The following CREB3L2 variants were observed in gnomAD, a reference collection of about 807,000 sequenced individuals.
The protein encoded by CREB3L2 is cAMP responsive element binding protein 3 like 2, also known as cyclic AMP-responsive element-binding protein 3-like protein 2.
In CREB3L2, 23 loss-of-function variants were observed where a neutral mutation model predicts 57.2. That is an observed-to-expected ratio of 0.40 (90% CI 0.29 to 0.57). CREB3L2 has a LOEUF of 0.57. CREB3L2 is among the 20% of genes least tolerant of loss of function. The pLI, the probability that CREB3L2 is intolerant of heterozygous loss-of-function variation, is 0.42. For missense variants in CREB3L2, 628 were observed against 634.7 expected (o/e 0.99, Z 0.11); for synonymous variants, 268 against 265.1 (o/e 1.01, Z -0.11).
rs114691287 is a variant in CREB3L2, at chr7:137,900,391, G to A, written c.1043+963C>T. Among the ~76,000 whole-genome samples, 842 of 152,252 alleles carry A rather than the reference G, an allele frequency of 5.5e-3. 9 individuals are homozygous for A. The highest frequency in any genetic ancestry group is 0.02 in the African/African-American group (810 of 41,528). On this transcript the variant is annotated intron_variant, in intron 8 of 11. Coordinates refer to ENST00000330387, the MANE Select transcript of CREB3L2 (RefSeq NM_194071.4). The stretch of plus-strand genomic sequence containing the variant: ...CTGTAAAGTGCTTAAAATAGCACTG[G>A]GCACAGCAAGTGCTAGAGGAATTTA...
rs987595789 is a variant in CREB3L2 at position 137,963,722 on chromosome 7, C to T, written c.103-35356G>A. ...CAGGATCTTTTGAAATCTTGAAATC[C>T]TCTTCCCTAAATTGCCGAAGCAGGG... On this transcript the variant is annotated intron_variant, in intron 1 of 11. Transcript: ENST00000330387. 3.3e-5 allele frequency among the ~76,000 whole-genome samples: 5 copies of T among 152,276 alleles called. No homozygotes were observed. In the South Asian group the frequency reaches 6.2e-4, roughly 19 times the overall value.
At chr7:137,887,578 G>A (rs953157942) in intron 8 of CREB3L2, among the ~76,000 whole-genome samples, 2 of 152,054 alleles carry the variant, frequency 1.3e-5, no homozygotes, top group East Asian at 1.9e-4. Flanking sequence ...GCACGGTGGC[G>A]GGCGTCTGTA....
chr7:137,981,138 A>G (rs1475892190), intron 1 of CREB3L2, among the ~76,000 whole-genome samples: 1 of 152,206 alleles, frequency 6.6e-6, no homozygotes, highest in Non-Finnish European at 1.5e-5. Flanking sequence ...GGCAGAGTTA[A>G]AGCCCAGAGG....
At chr7:137,907,728 A>C (rs920346453) in intron 5 of CREB3L2, among the ~76,000 whole-genome samples, 4 of 152,182 alleles carry the variant, frequency 2.6e-5, no homozygotes, top group African/African-American at 9.7e-5. Context: ...TATGGGAGGG[A>C]TGAACGAGGG....
intron 8 of CREB3L2, among the ~76,000 whole-genome samples, chr7:137,886,469 GAA>G (rs1481823134): frequency 6.6e-6 from 1 of 152,026 alleles, no homozygotes; most frequent in African/African-American, 2.4e-5. Flanking sequence ...AGGCAGGTTA[GAA>G]GAGAGAGAGA....
intron 8 of CREB3L2, among the ~76,000 whole-genome samples, chr7:137,894,583 T>A (rs567071712): frequency 6.6e-6 from 1 of 152,280 alleles, no homozygotes; most frequent in Admixed American, 6.5e-5. Flanking sequence ...GAAGTCCACA[T>A]AGGCCCTGGA....
chr7:137,935,706 A>G (rs1223978060), intron 1 of CREB3L2, among the ~76,000 whole-genome samples: 2 of 152,216 alleles, frequency 1.3e-5, no homozygotes, highest in Non-Finnish European at 2.9e-5. Context: ...ATCATTCTAT[A>G]ACATCCTAAC....
At chr7:137,946,786 C>A (rs28483289) in intron 1 of CREB3L2, among the ~76,000 whole-genome samples, 6,148 of 33,422 alleles carry the variant, frequency 0.18, 1,311 homozygotes, top group East Asian at 0.47. Context: ...ATATAGTTAT[C>A]TATATAGTTA....
chr7:137,905,572 A>G, intron 6 of CREB3L2, 130 bp downstream of exon 6: 2 of 975,004 alleles, frequency 2.1e-6, no homozygotes, highest in Non-Finnish European at 1.6e-6. Context: ...GGGCTTAGGG[A>G]AGGGAAGGGC....
chr7:137,983,298 G>C lies in CREB3L2; in HGVS notation c.102+18306C>G, dbSNP rs1026526200. 1.3e-5 allele frequency among the ~76,000 whole-genome samples: 2 copies of C among 152,186 alleles called. 1 individual carries two copies. The highest frequency in any genetic ancestry group is 4.8e-5 in the African/African-American group (2 of 41,438). On this transcript the variant is annotated intron_variant, in intron 1 of 11. Coordinates refer to ENST00000330387, the MANE Select transcript of CREB3L2 (RefSeq NM_194071.4). Reference sequence around the variant, plus strand: ...GGAGGCTGGCTGGGCCCTCGAAGAAGGAATCTTAAACAAGAGAAGCAAGGG... The same window carrying C: ...GGAGGCTGGCTGGGCCCTCGAAGAACGAATCTTAAACAAGAGAAGCAAGGG...
chr7:137,911,909 TGAG>T (rs1312859556), intron 4 of CREB3L2, among the ~76,000 whole-genome samples: 1 of 151,990 alleles, frequency 6.6e-6, no homozygotes, highest in African/African-American at 2.4e-5. Context: ...GGCACAGAAG[TGAG>T]AAGAGCAGGA....
intron 1 of CREB3L2, among the ~76,000 whole-genome samples, chr7:137,935,580 C>T (rs142256235): frequency 6.6e-6 from 1 of 152,162 alleles, no homozygotes; most frequent in Non-Finnish European, 1.5e-5. Flanking sequence ...GCCTTCCAAA[C>T]TCTATGGCCC....
At chr7:137,882,653 G>C (rs1399906728) in intron 10 of CREB3L2, 25 bp from the exon 11 acceptor site, 4 of 1,522,770 alleles carry the variant, frequency 2.6e-6, no homozygotes, top group Admixed American at 1.9e-5. Flanking sequence ...GAATAATAAG[G>C]TGTTAGCAAA....
At chr7:137,881,321 A>C (rs1484522695) in intron 11 of CREB3L2, among the ~76,000 whole-genome samples, 1 of 152,200 alleles carries the variant, frequency 6.6e-6, no homozygotes, top group African/African-American at 2.4e-5. Context: ...AATGCTCCAA[A>C]ATCTAGAAAT....
At chr7:137,898,040 CAT>C (rs1799663952) in intron 8 of CREB3L2, among the ~76,000 whole-genome samples, 1 of 151,990 alleles carries the variant, frequency 6.6e-6, no homozygotes, top group Admixed American at 6.5e-5. Context: ...ATATTAAAAA[CAT>C]ATGAGGAACT....
At chr7:137,915,801 A>C in intron 3 of CREB3L2, 36 bp downstream of exon 3, 1 of 1,580,042 alleles carries the variant, frequency 6.3e-7, no homozygotes, top group Non-Finnish European at 8.6e-7. Flanking sequence ...GTATCTTTTA[A>C]TCCAACCTGT....
rs138275609 is a variant in CREB3L2, at chr7:137,945,705, C to T, written c.103-17339G>A. 7.9e-5 allele frequency among the ~76,000 whole-genome samples: 12 copies of T among 152,236 alleles called. No homozygotes were observed. In the East Asian group the frequency reaches 2.3e-3, roughly 29 times the overall value. Reference sequence around the variant, plus strand: ...GCAATCTGGACTAAGAAGAACTGGGCCTTTCACCAACAAGTATGGTTACCT... The same window carrying T: ...GCAATCTGGACTAAGAAGAACTGGGTCTTTCACCAACAAGTATGGTTACCT... On this transcript the variant is annotated intron_variant, in intron 1 of 11. Coordinates refer to ENST00000330387, the MANE Select transcript of CREB3L2 (RefSeq NM_194071.4).
chr7:137,949,653 C>T (rs997008095), intron 1 of CREB3L2, among the ~76,000 whole-genome samples: 2 of 152,104 alleles, frequency 1.3e-5, no homozygotes, highest in African/African-American at 4.8e-5. Flanking sequence ...AGCTTGTCAA[C>T]ACCCCAATCA....
At position 137,931,829 on chromosome 7, in the gene CREB3L2, C is replaced by T. The variant is rs188654500; in HGVS notation, c.103-3463G>A. 4.5e-3 allele frequency among the ~76,000 whole-genome samples: 687 copies of T among 152,236 alleles called. 5 individuals are homozygous for T. The highest frequency in any genetic ancestry group is 0.015 in the African/African-American group (638 of 41,534). The stretch of plus-strand genomic sequence containing the variant: ...CCTGGGTAACAGAGTGAGACTCTGT[C>T]TTAAAAATAAATAAATACAATTTAA... On this transcript the variant is annotated intron_variant, in intron 1 of 11. Transcript: ENST00000330387.
Sources: gnomAD v4.1 joint callset for allele counts (sites outside exome capture counted in the v4.1 genomes callset) on GRCh38, gnomAD v4.1.1 for gene constraint, MANE v1.5 for transcripts, NCBI Gene and HGNC (gene_info 2026-07-23, HGNC 2026-07-21) for gene names.